Variants in RBMS1 observed in about 807,000 individuals in gnomAD.
RBMS1 encodes RNA-binding motif, single-stranded-interacting protein 1.
Under a neutral mutation model 62.3 loss-of-function variants are expected in RBMS1, and 17 were observed. The observed-to-expected ratio is 0.27, with a 90% CI of 0.19 to 0.41. The LOEUF (loss-of-function observed/expected upper bound fraction) is 0.41, where lower values mean the gene tolerates loss of function less well. Ranked by LOEUF, RBMS1 falls within the 10% of genes least tolerant of loss-of-function variation. The pLI, the probability that RBMS1 is intolerant of heterozygous loss-of-function variation, is 1.00. For synonymous variants in RBMS1, 172 were observed against 170.0 expected (o/e 1.01, Z -0.09); for missense variants, 334 against 504.5 (o/e 0.66, Z 3.24).
At chr2:160,325,531 G>A (rs1444502431) in intron 2 of RBMS1, among the ~76,000 whole-genome samples, 1 of 152,180 alleles carries the variant, frequency 6.6e-6, no homozygotes, top group Non-Finnish European at 1.5e-5. Context: ...TGTACACACA[G>A]ATGAATGCAG....
intron 1 of RBMS1, among the ~76,000 whole-genome samples, chr2:160,411,725 AGTT>A (rs1315321958): frequency 2.6e-5 from 4 of 152,296 alleles, no homozygotes; most frequent in Middle Eastern, 6.8e-3. Context: ...AGTAAATGGC[AGTT>A]GTTGTTATTT....
At chr2:160,301,137 T>C (rs1327920840) in intron 5 of RBMS1, among the ~76,000 whole-genome samples, 1 of 152,238 alleles carries the variant, frequency 6.6e-6, no homozygotes, top group African/African-American at 2.4e-5. Flanking sequence ...AAAATTGTCT[T>C]TGCTTTCACA....
intron 1 of RBMS1, among the ~76,000 whole-genome samples, chr2:160,411,258 C>A (rs1696021591): frequency 6.6e-6 from 1 of 152,172 alleles, no homozygotes; most frequent in African/African-American, 2.4e-5. Context: ...ACTTCAATGG[C>A]TGAACCAGTT....
intron 1 of RBMS1, among the ~76,000 whole-genome samples, chr2:160,428,547 T>C (rs1447060627): frequency 6.6e-6 from 1 of 152,094 alleles, no homozygotes; most frequent in Non-Finnish European, 1.5e-5. Context: ...ATTCTTACCA[T>C]CCCTGGCCAT....
intron 1 of RBMS1, among the ~76,000 whole-genome samples, chr2:160,379,653 G>A (rs1694178846): frequency 6.6e-6 from 1 of 152,030 alleles, no homozygotes; most frequent in Admixed American, 6.5e-5. Context: ...TTTTCTTTTC[G>A]TTTTAAAATT....
chr2:160,299,033 C>T (rs2105948493), intron 6 of RBMS1, among the ~76,000 whole-genome samples: 1 of 152,276 alleles, frequency 6.6e-6, no homozygotes, highest in Non-Finnish European at 1.5e-5. Flanking sequence ...GACTTCTGGC[C>T]TCCAGAACCC....
At chr2:160,312,253 T>C (rs1178546166) in intron 4 of RBMS1, among the ~76,000 whole-genome samples, 1 of 152,308 alleles carries the variant, frequency 6.6e-6, no homozygotes, top group East Asian at 1.9e-4. Flanking sequence ...AAACTAACTT[T>C]CAGGATGAAC....
At chr2:160,439,200 C>T (rs1427885917) in intron 1 of RBMS1, among the ~76,000 whole-genome samples, 3 of 151,922 alleles carry the variant, frequency 2.0e-5, no homozygotes, top group African/African-American at 7.2e-5. Flanking sequence ...GGGCTGACCC[C>T]CCCACCTCCC....
intron 1 of RBMS1, among the ~76,000 whole-genome samples, chr2:160,460,352 C>G (rs1684407990): frequency 1.3e-5 from 2 of 152,212 alleles, no homozygotes; most frequent in Non-Finnish European, 1.5e-5. Flanking sequence ...ACACACACAC[C>G]TCAATCCAGG....
chr2:160,331,318 G>A (rs1296446767), intron 2 of RBMS1, among the ~76,000 whole-genome samples: 1 of 152,058 alleles, frequency 6.6e-6, no homozygotes, highest in East Asian at 1.9e-4. Context: ...CCTTCACCAG[G>A]GAAATTTAGC....
chr2:160,341,070 G>A (rs1451245197), intron 2 of RBMS1, among the ~76,000 whole-genome samples: 1 of 151,950 alleles, frequency 6.6e-6, no homozygotes. Flanking sequence ...TTATTTTAGA[G>A]CTTAAAAAAA....
At chr2:160,425,133 G>A (rs36032533) in intron 1 of RBMS1, among the ~76,000 whole-genome samples, 5 of 152,136 alleles carry the variant, frequency 3.3e-5, no homozygotes, top group African/African-American at 4.8e-5. Flanking sequence ...TGCTTAAATG[G>A]GGCAGTGTGA....
At position 160,493,440 on chromosome 2, in the gene RBMS1, C is replaced by T. The variant is rs1000414375; in HGVS notation, c.-77G>A. ...AAGTCTCGGGCTCTCCTGCCTCTCC[C>T]TTTCCGGCGGCGGCGGCAGCGGCGG... is the stretch of plus-strand genomic sequence containing the variant. On this transcript the variant is annotated 5_prime_UTR_variant, in exon 1 of 14. Coordinates refer to ENST00000348849, the MANE Select transcript of RBMS1 (RefSeq NM_016836.4). 5.5e-6 allele frequency: 8 copies of T among 1,447,262 alleles called. No homozygotes were observed. The African/African-American group carries it at 7.1e-5, about 13-fold the overall frequency. The allele number at this position is 1,447,262 out of a possible 1,614,324, so 89.7% of individuals were successfully genotyped here. A position where few individuals can be genotyped will look rare whatever the true frequency, so the allele number is the denominator to read the frequency against.
At chr2:160,446,036 A>AG (rs1683627543) in intron 1 of RBMS1, among the ~76,000 whole-genome samples, 1 of 152,204 alleles carries the variant, frequency 6.6e-6, no homozygotes, top group Admixed American at 6.5e-5. Context: ...GGTTAACTCC[A>AG]GGTAAAGACA....
chr2:160,452,714 C>T (rs984193187), intron 1 of RBMS1, among the ~76,000 whole-genome samples: 4 of 152,134 alleles, frequency 2.6e-5, no homozygotes, highest in African/African-American at 4.8e-5. Flanking sequence ...GCTTGTACCA[C>T]GTAATCACAA....
chr2:160,480,631 C>A (rs1248242283), intron 1 of RBMS1, among the ~76,000 whole-genome samples: 2 of 152,006 alleles, frequency 1.3e-5, no homozygotes, highest in Non-Finnish European at 2.9e-5. Context: ...CAATTCTCCC[C>A]CAATTGATGT....
intron 2 of RBMS1, among the ~76,000 whole-genome samples, chr2:160,350,086 G>A (rs1692413050): frequency 6.6e-6 from 1 of 151,996 alleles, no homozygotes; most frequent in East Asian, 1.9e-4. Flanking sequence ...TGAAGTGATG[G>A]AGGACAGTAA....
At chr2:160,356,649 T>C (rs1692816106) in intron 2 of RBMS1, among the ~76,000 whole-genome samples, 1 of 152,130 alleles carries the variant, frequency 6.6e-6, no homozygotes, top group Non-Finnish European at 1.5e-5. Flanking sequence ...TCTTCCTCCA[T>C]GTTATGAAGC....
chr2:160,407,320 C>G (rs775872078), intron 1 of RBMS1: 9 of 981,922 alleles, frequency 9.2e-6, no homozygotes, highest in Non-Finnish European at 1.1e-5. Context: ...GGTCGCCGGC[C>G]GAGCAGTCCC....
Sources: gnomAD v4.1 joint callset for allele counts (sites outside exome capture counted in the v4.1 genomes callset) on GRCh38, gnomAD v4.1.1 for gene constraint, MANE v1.5 for transcripts, NCBI Gene and HGNC (gene_info 2026-07-23, HGNC 2026-07-21) for gene names.